SDK1: variants seen among roughly 807,000 people sequenced by gnomAD.
SDK1 encodes the protein sidekick cell adhesion molecule 1.
A neutral mutation model predicts 245.5 loss-of-function variants in SDK1; 157 were observed. That is an observed-to-expected ratio of 0.64 (90% CI 0.56 to 0.73). The LOEUF (loss-of-function observed/expected upper bound fraction) is 0.73. SDK1 is among the 30% of genes least tolerant of loss of function. The pLI, the probability that SDK1 is intolerant of heterozygous loss-of-function variation, is 0.00. For missense variants in SDK1, 3,583 were observed against 3,002.3 expected (o/e 1.19, Z -4.52); for synonymous variants, 1,647 against 1,278.5 (o/e 1.29, Z -6.15).
chr7:3,385,205 C>T (rs1193213366), intron 1 of SDK1, among the ~76,000 whole-genome samples: 4 of 152,114 alleles, frequency 2.6e-5, no homozygotes, highest in South Asian at 2.1e-4. Flanking sequence ...CAGTTTTTCT[C>T]CTCTATGAAT....
intron 5 of SDK1, among the ~76,000 whole-genome samples, chr7:3,936,880 A>G (rs1458202495): frequency 6.6e-6 from 1 of 152,038 alleles, no homozygotes; most frequent in East Asian, 1.9e-4. Context: ...AGGAATGGAG[A>G]GAGCTGTTAC....
At chr7:3,609,496 T>G (rs1202228) in intron 1 of SDK1, among the ~76,000 whole-genome samples, 141,630 of 152,162 alleles carry the variant, frequency 0.93, 65,981 homozygotes, top group South Asian at 0.97. Flanking sequence ...TGCTTCCCGG[T>G]TTCAAACGAT....
chr7:3,544,371 T>C (rs560300878), intron 1 of SDK1, among the ~76,000 whole-genome samples: 12 of 152,290 alleles, frequency 7.9e-5, no homozygotes, highest in Admixed American at 3.3e-4. Context: ...CACAGACCTC[T>C]AGCGACCTCA....
intron 4 of SDK1, among the ~76,000 whole-genome samples, chr7:3,688,409 A>G (rs917471690): frequency 6.6e-6 from 1 of 152,290 alleles, no homozygotes; most frequent in African/African-American, 2.4e-5. Context: ...TCTTACATGT[A>G]GTATGAGAAC....
chr7:3,816,201 C>G (rs1345924928), intron 4 of SDK1, among the ~76,000 whole-genome samples: 2 of 151,084 alleles, frequency 1.3e-5, no homozygotes, highest in Non-Finnish European at 2.9e-5. Context: ...AAAGCAAGAG[C>G]AAACACATTC....
intron 1 of SDK1, among the ~76,000 whole-genome samples, chr7:3,401,966 C>T (rs1328358903): frequency 6.6e-6 from 1 of 151,992 alleles, no homozygotes; most frequent in Non-Finnish European, 1.5e-5. Flanking sequence ...CTGCATCTGT[C>T]GATTAGGAGG....
intron 4 of SDK1, among the ~76,000 whole-genome samples, chr7:3,683,740 C>T (rs965384908): frequency 1.3e-5 from 2 of 152,168 alleles, no homozygotes; most frequent in African/African-American, 4.8e-5. Flanking sequence ...TCTGAGTTTC[C>T]TTGTTGCCTT....
chr7:3,719,977 T>TA (rs201406862), intron 4 of SDK1, among the ~76,000 whole-genome samples: 13,868 of 141,102 alleles, frequency 0.098, 755 homozygotes, highest in Admixed American at 0.15. Flanking sequence ...CTCCATCTCT[T>TA]AAAAAAAAAA....
intron 1 of SDK1, among the ~76,000 whole-genome samples, chr7:3,374,539 C>T (rs1474566369): frequency 6.6e-6 from 1 of 152,150 alleles, no homozygotes; most frequent in Non-Finnish European, 1.5e-5. Flanking sequence ...CTCCTGCATA[C>T]TCCTTTGGCC....
At chr7:3,935,614 C>T (rs934830570) in intron 5 of SDK1, among the ~76,000 whole-genome samples, 1 of 152,104 alleles carries the variant, frequency 6.6e-6, no homozygotes, top group Non-Finnish European at 1.5e-5. Flanking sequence ...GACTGGTAAG[C>T]ACATGAAAAA....
chr7:3,501,301 C>G lies in SDK1; in HGVS notation c.299-117779C>G, dbSNP rs571522376. Among the ~76,000 whole-genome samples, 3 of 152,004 alleles carry G rather than the reference C, an allele frequency of 2.0e-5. No homozygotes were observed. In the South Asian group the frequency reaches 6.2e-4, roughly 32 times the overall value. On this transcript the variant is annotated intron_variant, in intron 1 of 44. Transcript: ENST00000404826. ...CTTCAGTTTTCTGCTTGGCTATTAA[C>G]TGTTTTTACTATTCTTCCCTCTGTT...
At chr7:3,537,627 C>G (rs1778925194) in intron 1 of SDK1, among the ~76,000 whole-genome samples, 1 of 152,200 alleles carries the variant, frequency 6.6e-6, no homozygotes. Context: ...GACTATTCAT[C>G]AGGCAGCAGC....
chr7:3,956,799 G>A (rs1054321647), intron 7 of SDK1, among the ~76,000 whole-genome samples: 9 of 152,290 alleles, frequency 5.9e-5, no homozygotes, highest in Non-Finnish European at 1.0e-4. Context: ...GAGCAGCATC[G>A]TCTGGGCCTG....
chr7:3,625,389 A>T (rs1782082496), intron 2 of SDK1, among the ~76,000 whole-genome samples: 1 of 152,242 alleles, frequency 6.6e-6, no homozygotes, highest in Non-Finnish European at 1.5e-5. Context: ...AATATTTGCA[A>T]CAAATCAGAC....
intron 1 of SDK1, among the ~76,000 whole-genome samples, chr7:3,483,124 A>G (rs1027830812): frequency 6.6e-6 from 1 of 152,190 alleles, no homozygotes; most frequent in African/African-American, 2.4e-5. Context: ...TGGCTTGTCA[A>G]GTTCCTGAAA....
chr7:3,543,345 G>T (rs539034791), intron 1 of SDK1, among the ~76,000 whole-genome samples: 75 of 152,370 alleles, frequency 4.9e-4, no homozygotes, highest in Middle Eastern at 6.8e-3. Context: ...ATCACTATCT[G>T]TTGCAAGTGT....
intron 4 of SDK1, among the ~76,000 whole-genome samples, chr7:3,756,158 C>G (rs1037564640): frequency 1.4e-4 from 21 of 150,802 alleles, no homozygotes; most frequent in African/African-American, 4.9e-4. Context: ...ACATGTGACA[C>G]ATGCATATCA....
chr7:3,811,889 C>G (rs149976673), intron 4 of SDK1, among the ~76,000 whole-genome samples: 1 of 152,330 alleles, frequency 6.6e-6, no homozygotes, highest in African/African-American at 2.4e-5. Flanking sequence ...GATTTTTACA[C>G]TTTCAAAAGC....
intron 4 of SDK1, among the ~76,000 whole-genome samples, chr7:3,795,565 C>G (rs1036984105): frequency 6.6e-6 from 1 of 152,180 alleles, no homozygotes; most frequent in Non-Finnish European, 1.5e-5. Context: ...TTACCCCTCA[C>G]TGTATCTGGC....
Sources: allele counts gnomAD v4.1 joint callset (sites outside exome capture counted in the v4.1 genomes callset), GRCh38; gene constraint gnomAD v4.1.1; transcripts MANE v1.5; gene names NCBI Gene and HGNC (gene_info 2026-07-23, HGNC 2026-07-21).